Variants in AGTPBP1 observed in about 807,000 individuals in gnomAD.
The protein encoded by AGTPBP1 is cytosolic carboxypeptidase 1.
In AGTPBP1, 70 loss-of-function variants were observed where a neutral mutation model predicts 143.9. The ratio of observed to expected loss-of-function variants is 0.49; its 90% confidence interval spans 0.40 to 0.59. The LOEUF is 0.59. Ranked by LOEUF, AGTPBP1 falls within the 20% of genes least tolerant of loss-of-function variation. AGTPBP1 has a pLI of 0.00. For synonymous variants in AGTPBP1, 463 were observed against 500.2 expected, an observed-to-expected ratio of 0.93 and a Z score of 0.99; for missense variants, 1,229 against 1,464.5, an observed-to-expected ratio of 0.84 and a Z score of 2.62.
chr9:85,708,537 GT>G (rs1837164024), intron 2 of AGTPBP1, among the ~76,000 whole-genome samples: 1 of 152,098 alleles, frequency 6.6e-6, no homozygotes, highest in South Asian at 2.1e-4. Context: ...ATACTTTATT[GT>G]TTTTTGTTTG....
At chr9:85,697,458 T>TG (rs1564156613) in intron 2 of AGTPBP1, among the ~76,000 whole-genome samples, 2 of 135,326 alleles carry the variant, frequency 1.5e-5, no homozygotes, top group African/African-American at 2.8e-5. Flanking sequence ...TTTTTTTTTT[T>TG]TTTTTTTTTT....
intron 11 of AGTPBP1, among the ~76,000 whole-genome samples, chr9:85,651,389 TATA>T (rs1430742012): frequency 1.3e-5 from 2 of 152,300 alleles, no homozygotes; most frequent in East Asian, 3.9e-4. Flanking sequence ...GCAAGAACAG[TATA>T]ATATTAGGAA....
Position 85,741,776 on chromosome 9 carries a change from G to A in AGTPBP1, c.-35C>T, listed in dbSNP as rs1824316449. 5.2e-6 allele frequency: 7 copies of A among 1,336,940 alleles called. No individual in the cohort carries two copies. Among genetic ancestry groups the A allele is most frequent in the East Asian group, 3.1e-5 (1 of 32,174 alleles). 82.8% of individuals were successfully genotyped at this position (1,336,940 alleles called of 1,614,324 possible). The stretch of plus-strand genomic sequence containing the variant: ...TGAGGACTGCAGCAGGGCGCTCACC[G>A]GCTCAGGATGGGGCGCTGGCGGGGA... On this transcript the variant is annotated splice_region_variant and 5_prime_UTR_variant, in exon 1 of 26. An upstream open reading frame in the 5' UTR gains an earlier in-frame stop. Coordinates refer to ENST00000357081, the MANE Select transcript of AGTPBP1 (RefSeq NM_001330701.2).
At chr9:85,554,717 C>G (rs1221315992) in intron 25 of AGTPBP1, among the ~76,000 whole-genome samples, 1 of 152,102 alleles carries the variant, frequency 6.6e-6, no homozygotes. Flanking sequence ...TCAAATATTA[C>G]CACACATAAG....
chr9:85,770,579 G>A, the AGTPBP1 span: 2 of 690,622 alleles, frequency 2.9e-6, no homozygotes, highest in South Asian at 2.0e-5. Context: ...TAAAGAAATT[G>A]AAAGGCTTAA....
intron 1 of AGTPBP1, among the ~76,000 whole-genome samples, chr9:85,717,769 G>A (rs766934068): frequency 2.0e-5 from 3 of 150,996 alleles, no homozygotes; most frequent in Non-Finnish European, 2.9e-5. Context: ...ATGTTGGTTT[G>A]CCACACCCAT....
chr9:85,783,570 G>A, the AGTPBP1 span, among the ~76,000 whole-genome samples: 1 of 151,726 alleles, frequency 6.6e-6, no homozygotes, highest in African/African-American at 2.4e-5. Flanking sequence ...TCCATAAAAT[G>A]TTTTACATGC....
In AGTPBP1 at chr9:85,632,875, T is replaced by C. The variant is rs1587785277; in HGVS notation, c.1802A>G (p.Asp601Gly). 1 of 1,614,174 alleles carries C rather than the reference T, an allele frequency of 6.2e-7. No individual in the cohort carries two copies. Among genetic ancestry groups the C allele is most frequent in the South Asian group, 1.1e-5 (1 of 91,082 alleles). The change falls in exon 14 of 26, where the codon GAT becomes GGT. Residue 601 changes from aspartate to glycine, a missense_variant. Asp to Gly is a moderately conservative substitution (Grantham distance 94). Around this residue, in one of 2 missense-constraint regions of AGTPBP1, gnomAD observed 743 missense variants for 812.2 expected, o/e 0.91. Coordinates refer to ENST00000357081, the MANE Select transcript of AGTPBP1 (RefSeq NM_001330701.2). ...KLCCTGVETE[D>G]DEDTESNSSV... The stretch of plus-strand genomic sequence containing the variant: ...TGAATTTGACTCAGTATCTTCATCA[T>C]CTTCAGTTTCAACTCCAGTGCAGCA...
chr9:85,670,181 T>C (rs1834395861), intron 7 of AGTPBP1, among the ~76,000 whole-genome samples: 1 of 151,910 alleles, frequency 6.6e-6, no homozygotes, highest in African/African-American at 2.4e-5. Context: ...ACGAAGACAA[T>C]GAACATCACA....
intron 17 of AGTPBP1, among the ~76,000 whole-genome samples, chr9:85,618,071 C>T (rs1830696280): frequency 6.6e-6 from 1 of 152,078 alleles, no homozygotes; most frequent in Non-Finnish European, 1.5e-5. Flanking sequence ...GAAACCCCAT[C>T]TCTACTAAAA....
At chr9:85,623,392 T>C (rs1831066510) in intron 14 of AGTPBP1, among the ~76,000 whole-genome samples, 1 of 152,124 alleles carries the variant, frequency 6.6e-6, no homozygotes, top group South Asian at 2.1e-4. Flanking sequence ...GGGACATAAT[T>C]GCCCATTTAT....
the AGTPBP1 span, among the ~76,000 whole-genome samples, chr9:85,763,772 GT>G: frequency 6.6e-6 from 1 of 152,214 alleles, no homozygotes; most frequent in Middle Eastern, 3.4e-3. Flanking sequence ...AAGGTTGAAG[GT>G]GGCCGTCTGG....
At chr9:85,742,250 C>G (rs1395853730), upstream of AGTPBP1, among the ~76,000 whole-genome samples, 1 of 152,128 alleles carries the variant, frequency 6.6e-6, no homozygotes, top group Non-Finnish European at 1.5e-5. Flanking sequence ...CCCCGGCCAC[C>G]GCCCCTCCGT....
At chr9:85,554,988 G>T (rs916406723) in intron 25 of AGTPBP1, among the ~76,000 whole-genome samples, 2 of 152,162 alleles carry the variant, frequency 1.3e-5, no homozygotes, top group African/African-American at 4.8e-5. Flanking sequence ...ACTTAGTGAA[G>T]CAGAGATAGG....
chr9:85,628,516 A>C (rs1016153309), intron 14 of AGTPBP1, among the ~76,000 whole-genome samples: 4 of 152,228 alleles, frequency 2.6e-5, no homozygotes, highest in Admixed American at 6.5e-5. Context: ...CTGCAGCAAC[A>C]AATCAGAACA....
At chr9:85,695,633 T>C (rs1398677557) in intron 2 of AGTPBP1, among the ~76,000 whole-genome samples, 1 of 152,170 alleles carries the variant, frequency 6.6e-6, no homozygotes, top group African/African-American at 2.4e-5. Context: ...TGAGTGTACA[T>C]CATCTTAATA....
At chr9:85,665,607 TAG>T (rs915017635) in intron 8 of AGTPBP1, among the ~76,000 whole-genome samples, 1 of 152,192 alleles carries the variant, frequency 6.6e-6, no homozygotes, top group African/African-American at 2.4e-5. Context: ...GTAAAAATCT[TAG>T]AGTACTTTCA....
chr9:85,785,130 C>T, the AGTPBP1 span, among the ~76,000 whole-genome samples: 3 of 152,032 alleles, frequency 2.0e-5, no homozygotes, highest in Non-Finnish European at 2.9e-5. Context: ...GTCAGGAGAT[C>T]GAGACCATCC....
At chr9:85,687,772 A>T (rs1835573578) in intron 3 of AGTPBP1, among the ~76,000 whole-genome samples, 1 of 152,138 alleles carries the variant, frequency 6.6e-6, no homozygotes, top group Non-Finnish European at 1.5e-5. Flanking sequence ...AAGGTCTCAA[A>T]ATAAATAATC....
Sources: allele counts gnomAD v4.1 joint callset (sites outside exome capture counted in the v4.1 genomes callset), GRCh38; gene constraint gnomAD v4.1.1; regional missense constraint gnomAD v4.1.1; transcripts MANE v1.5; gene names NCBI Gene and HGNC (gene_info 2026-07-23, HGNC 2026-07-21).